SLCO1B3: variants seen among roughly 807,000 people sequenced by gnomAD.
SLCO1B3 encodes the protein liver-specific organic anion transporter 2.
A neutral mutation model predicts 71.8 loss-of-function variants in SLCO1B3; 72 were observed. The ratio of observed to expected loss-of-function variants is 1.00; its 90% CI spans 0.83 to 1.22. The LOEUF is 1.22. Among genes scored for constraint, SLCO1B3 ranks in the 50% most tolerant of loss-of-function variants. SLCO1B3 has a pLI of 0.00. For missense variants in SLCO1B3, 911 were observed against 819.7 expected (o/e 1.11, Z -1.36); for synonymous variants, 298 against 278.4 (o/e 1.07, Z -0.70).
intron 15 of SLCO1B3, among the ~76,000 whole-genome samples, chr12:20,904,188 C>T (rs369552942): frequency 4.7e-5 from 7 of 148,958 alleles, no homozygotes; most frequent in South Asian, 2.1e-4. Context: ...TGCAGTGGGC[C>T]GAGATCACAC....
intron 3 of SLCO1B3, among the ~76,000 whole-genome samples, chr12:20,847,260 T>A (rs1864937889): frequency 6.6e-6 from 1 of 151,754 alleles, no homozygotes; most frequent in African/African-American, 2.4e-5. Context: ...AAGAAAAGAG[T>A]TATGGACTGA....
intron 8 of SLCO1B3, among the ~76,000 whole-genome samples, chr12:20,872,426 T>C (rs945012951): frequency 6.6e-6 from 1 of 151,954 alleles, no homozygotes; most frequent in Non-Finnish European, 1.5e-5. Context: ...TCTGTTCTAC[T>C]GTAGCTGAGC....
chr12:20,889,821 T>A (rs180699191), intron 13 of SLCO1B3, among the ~76,000 whole-genome samples: 1 of 152,190 alleles, frequency 6.6e-6, no homozygotes, highest in East Asian at 1.9e-4. Context: ...GTTGTGGGCA[T>A]TTAATGCTAC....
intron 13 of SLCO1B3, among the ~76,000 whole-genome samples, chr12:20,892,949 C>A (rs1865932754): frequency 6.6e-6 from 1 of 151,970 alleles, no homozygotes; most frequent in Non-Finnish European, 1.5e-5. Context: ...TTGTCTAGTA[C>A]AGTAAAGGAT....
chr12:20,867,832 T>C (rs1346085532), intron 8 of SLCO1B3, among the ~76,000 whole-genome samples: 2 of 152,176 alleles, frequency 1.3e-5, no homozygotes, highest in South Asian at 2.1e-4. Flanking sequence ...GTCTTTCCTG[T>C]AGAAATTATG....
Position 20,813,600 on chromosome 12 carries a change from A to G in SLCO1B3, c.-104A>G, listed in dbSNP as rs1864142774. 1 of 152,216 alleles carries G rather than the reference A, an allele frequency of 6.6e-6. No individual in the cohort carries two copies. Among genetic ancestry groups the G allele is most frequent in the South Asian group, 2.1e-4 (1 of 4,814 alleles). The allele number at this position is 152,216 out of a possible 1,614,324, so 9.4% of individuals were successfully genotyped here. On this transcript the variant is annotated 5_prime_UTR_variant, in exon 2 of 16. Coordinates refer to ENST00000381545, the MANE Select transcript of SLCO1B3 (RefSeq NM_019844.4). ...CCTGAAGTGTTGTCCCGTTGTTCCC[A>G]CCTCCTAGAGGGCCTGACAGAAGAG...
intron 13 of SLCO1B3, among the ~76,000 whole-genome samples, chr12:20,885,114 A>G (rs1310876272): frequency 2.6e-5 from 4 of 152,150 alleles, no homozygotes; most frequent in African/African-American, 9.7e-5. Flanking sequence ...TGATAGTTAT[A>G]TTTTATCTGA....
chr12:20,870,724 G>A (rs1865459746), intron 8 of SLCO1B3, among the ~76,000 whole-genome samples: 1 of 151,970 alleles, frequency 6.6e-6, no homozygotes, highest in Non-Finnish European at 1.5e-5. Context: ...AATTACTTTA[G>A]CTTTGACATA....
chr12:20,841,180 A>G (rs1460812367), intron 3 of SLCO1B3, among the ~76,000 whole-genome samples: 1 of 151,806 alleles, frequency 6.6e-6, no homozygotes, highest in Non-Finnish European at 1.5e-5. Flanking sequence ...TTGTCTCTCC[A>G]TCTCCAATCT....
At chr12:20,901,301 C>A in intron 14 of SLCO1B3, 49 bp from the exon 15 acceptor site, 2 of 1,128,986 alleles carry the variant, frequency 1.8e-6, no homozygotes, top group Non-Finnish European at 1.3e-6. Context: ...CGCTCAGTTA[C>A]ATTTGAAGCA....
chr12:20,879,961 T>A (rs973447575), intron 11 of SLCO1B3, among the ~76,000 whole-genome samples: 3 of 152,006 alleles, frequency 2.0e-5, no homozygotes, highest in Non-Finnish European at 4.4e-5. Flanking sequence ...AATGTTAAGA[T>A]TAAGACACAA....
At chr12:20,818,953 C>T (rs1256880561) in intron 3 of SLCO1B3, among the ~76,000 whole-genome samples, 3 of 152,188 alleles carry the variant, frequency 2.0e-5, no homozygotes, top group African/African-American at 7.2e-5. Flanking sequence ...GTGAGTACAG[C>T]TGAAGGAGCC....
chr12:20,887,581 T>C (rs1347378489), intron 13 of SLCO1B3, among the ~76,000 whole-genome samples: 2 of 151,878 alleles, frequency 1.3e-5, no homozygotes, highest in African/African-American at 2.4e-5. Flanking sequence ...CTTTTTTTAT[T>C]GAGTTGTTTG....
chr12:20,859,570 T>C (rs1865212667), intron 5 of SLCO1B3, among the ~76,000 whole-genome samples: 1 of 151,374 alleles, frequency 6.6e-6, no homozygotes, highest in Non-Finnish European at 1.5e-5. Flanking sequence ...ACAATCTTGA[T>C]TCATTTTTCT....
intron 3 of SLCO1B3, among the ~76,000 whole-genome samples, chr12:20,831,035 G>C (rs1864527431): frequency 1.3e-5 from 2 of 150,780 alleles, no homozygotes; most frequent in African/African-American, 5.0e-5. Context: ...GAAGATAGCA[G>C]TGTATGTAAG....
At chr12:20,882,261 TG>T (rs1050814701) in intron 12 of SLCO1B3, among the ~76,000 whole-genome samples, 4 of 152,182 alleles carry the variant, frequency 2.6e-5, no homozygotes, top group African/African-American at 9.7e-5. Context: ...TCAGTAAAAT[TG>T]TTAAAATAAT....
At chr12:20,907,021 A>G (rs80052960) in intron 15 of SLCO1B3, among the ~76,000 whole-genome samples, 2,579 of 152,226 alleles carry the variant, frequency 0.017, 27 homozygotes, top group Non-Finnish European at 0.028. Context: ...GAGTTCTTAA[A>G]AAAAGGAAAA....
chr12:20,846,456 A>G (rs1864921989), intron 3 of SLCO1B3, among the ~76,000 whole-genome samples: 1 of 152,216 alleles, frequency 6.6e-6, no homozygotes, highest in African/African-American at 2.4e-5. Flanking sequence ...TAATCAGCTC[A>G]GGTGCTAAAA....
intron 13 of SLCO1B3, among the ~76,000 whole-genome samples, chr12:20,889,459 T>C (rs796652993): frequency 1.6e-4 from 24 of 152,276 alleles, no homozygotes; most frequent in African/African-American, 5.3e-4. Flanking sequence ...AATTTATCCA[T>C]TTCCTCTAGG....
Sources: allele counts gnomAD v4.1 joint callset (sites outside exome capture counted in the v4.1 genomes callset), GRCh38; gene constraint gnomAD v4.1.1; transcripts MANE v1.5; gene names NCBI Gene and HGNC (gene_info 2026-07-23, HGNC 2026-07-21).